The following MBD5 variants were observed in gnomAD, a reference collection of about 807,000 sequenced individuals.
MBD5 encodes the protein methyl-CpG-binding domain protein 5.
In MBD5, 13 loss-of-function variants were observed where a neutral mutation model predicts 117.3. The ratio of observed to expected loss-of-function variants is 0.11; its 90% CI spans 0.07 to 0.18. The LOEUF (loss-of-function observed/expected upper bound fraction) is 0.18. MBD5 is among the 10% of genes least tolerant of loss of function. The pLI, the probability that MBD5 is intolerant of heterozygous loss-of-function variation, is 1.00. For missense variants in MBD5, 1,879 were observed against 2,093.8 expected (o/e 0.90, Z 2.00); for synonymous variants, 727 against 766.4 (o/e 0.95, Z 0.85).
At chr2:148,421,904 A>G (rs1260318204) in intron 4 of MBD5, among the ~76,000 whole-genome samples, 1 of 152,220 alleles carries the variant, frequency 6.6e-6, no homozygotes, top group Non-Finnish European at 1.5e-5. Context: ...TGGGCAGGGC[A>G]TCTCTGAAAG....
At chr2:148,155,354 A>G (rs1697844128) in intron 1 of MBD5, among the ~76,000 whole-genome samples, 1 of 152,180 alleles carries the variant, frequency 6.6e-6, no homozygotes, top group Non-Finnish European at 1.5e-5. Context: ...TGGGAAAATG[A>G]TGAGGTAGCC....
chr2:148,294,514 T>TGTTTTTTTTTTTTTTC (rs796734529), intron 3 of MBD5, among the ~76,000 whole-genome samples: 1 of 138,686 alleles, frequency 7.2e-6, no homozygotes, highest in East Asian at 2.0e-4. Flanking sequence ...TTTTTTTTTT[T>TGTTTTTTTTTTTTTTC]TTTTTTTGAG....
At chr2:148,034,240 T>C (rs1027801951) in intron 1 of MBD5, among the ~76,000 whole-genome samples, 1 of 152,212 alleles carries the variant, frequency 6.6e-6, no homozygotes, top group African/African-American at 2.4e-5. Flanking sequence ...ATTTATCTAA[T>C]AATTCTAAGA....
intron 4 of MBD5, among the ~76,000 whole-genome samples, chr2:148,430,104 T>C (rs1236843522): frequency 1.3e-5 from 2 of 152,190 alleles, no homozygotes; most frequent in Non-Finnish European, 2.9e-5. Flanking sequence ...GCATACATTC[T>C]GTGTGAATTC....
intron 1 of MBD5, among the ~76,000 whole-genome samples, chr2:148,140,474 A>G (rs1243520798): frequency 1.3e-5 from 2 of 152,202 alleles, no homozygotes; most frequent in Admixed American, 1.3e-4. Flanking sequence ...GTAGTTAACT[A>G]GTCACAATTC....
intron 1 of MBD5, among the ~76,000 whole-genome samples, chr2:148,040,720 A>C (rs1694331907): frequency 1.3e-5 from 2 of 152,174 alleles, no homozygotes; most frequent in Admixed American, 6.6e-5. Context: ...CTTAACAGTT[A>C]AACATATTAT....
At chr2:148,364,754 C>T (rs1703646391) in intron 4 of MBD5, among the ~76,000 whole-genome samples, 1 of 152,192 alleles carries the variant, frequency 6.6e-6, no homozygotes. Context: ...AAGGGCTTTA[C>T]ATAATGGTAA....
chr2:148,474,513 T>A lies in MBD5; in HGVS notation c.2518+4052T>A, dbSNP rs530062796. 5.9e-5 allele frequency among the ~76,000 whole-genome samples: 9 copies of A among 152,200 alleles called. 1 individual carries two copies. The highest frequency in any genetic ancestry group is 1.3e-4 in the Non-Finnish European group (9 of 68,026). The stretch of plus-strand genomic sequence containing the variant: ...TTTTTTCACTTTAAAATGACTTTTA[T>A]GTTCTCTTATTTTTTCCTAAAAAAA... On this transcript the variant is annotated intron_variant, in intron 8 of 13. Coordinates refer to ENST00000642680, the MANE Select transcript of MBD5 (RefSeq NM_001378120.1).
chr2:148,335,487 G>A (rs1345090579), intron 3 of MBD5, among the ~76,000 whole-genome samples: 1 of 152,184 alleles, frequency 6.6e-6, no homozygotes, highest in African/African-American at 2.4e-5. Flanking sequence ...AGGAGGCGGA[G>A]GCAGGAGGAT....
At chr2:148,150,742 T>G (rs1333874705) in intron 1 of MBD5, among the ~76,000 whole-genome samples, 1 of 152,092 alleles carries the variant, frequency 6.6e-6, no homozygotes, top group East Asian at 1.9e-4. Flanking sequence ...GCTCTCTGTT[T>G]GTCTGTTGTT....
At chr2:148,406,709 A>G (rs1403920120) in intron 4 of MBD5, among the ~76,000 whole-genome samples, 1 of 152,176 alleles carries the variant, frequency 6.6e-6, no homozygotes, top group African/African-American at 2.4e-5. Context: ...ACACTTCATT[A>G]CAGTGAATTC....
At chr2:148,412,083 A>G (rs1705270353) in intron 4 of MBD5, among the ~76,000 whole-genome samples, 1 of 152,088 alleles carries the variant, frequency 6.6e-6, no homozygotes, top group Non-Finnish European at 1.5e-5. Context: ...CTAGCCAGTT[A>G]TCCCATCAAC....
At chr2:148,186,517 A>G (rs1191228484) in intron 2 of MBD5, among the ~76,000 whole-genome samples, 1 of 152,240 alleles carries the variant, frequency 6.6e-6, no homozygotes, top group Non-Finnish European at 1.5e-5. Context: ...AATGCTTTGA[A>G]TATTACCCAA....
intron 3 of MBD5, among the ~76,000 whole-genome samples, chr2:148,251,501 T>G (rs1027104459): frequency 6.6e-6 from 1 of 152,214 alleles, no homozygotes; most frequent in African/African-American, 2.4e-5. Flanking sequence ...AATACCCATT[T>G]ATGATATTAA....
chr2:148,210,325 C>T (rs2106004913), intron 2 of MBD5, among the ~76,000 whole-genome samples: 1 of 151,972 alleles, frequency 6.6e-6, no homozygotes, highest in South Asian at 2.1e-4. Flanking sequence ...AAGGATGTAC[C>T]ATTTAGAAAA....
chr2:148,212,857 A>G (rs1431628126), intron 2 of MBD5, among the ~76,000 whole-genome samples: 1 of 152,176 alleles, frequency 6.6e-6, no homozygotes, highest in African/African-American at 2.4e-5. Context: ...CTCATTGACA[A>G]CAATTTTAAT....
chr2:148,130,258 G>C (rs1697005135), intron 1 of MBD5, among the ~76,000 whole-genome samples: 1 of 152,030 alleles, frequency 6.6e-6, no homozygotes, highest in South Asian at 2.1e-4. Context: ...TCTCCTGACA[G>C]CGCTCAATTT....
rs200434229 is a variant in MBD5 at position 148,064,121 on chromosome 2, C to CTTTTTTTT, written c.-925+42443_-925+42444insTTTTTTTT. On this transcript the variant is annotated intron_variant, in intron 1 of 13. Transcript: ENST00000642680. ...GAAACATACTATTCCCACCAGCTGT[C>CTTTTTTTT]TTTTTTCTTTTTTTTTTTTTTTGAG... Among the ~76,000 whole-genome samples the CTTTTTTTT allele has an allele frequency of 2.9e-4, 37 of 126,180 alleles. 5 individuals are homozygous for CTTTTTTTT. The highest frequency in any genetic ancestry group is 8.5e-4 in the African/African-American group (27 of 31,820). 82.8% of individuals were successfully genotyped at this position (126,180 alleles called of 152,430 possible). A position where few individuals can be genotyped will look rare whatever the true frequency, so the allele number is the denominator to read the frequency against.
intron 2 of MBD5, among the ~76,000 whole-genome samples, chr2:148,199,907 GAT>G: frequency 6.6e-6 from 1 of 152,204 alleles, no homozygotes; most frequent in South Asian, 2.1e-4. Context: ...GAAATAAAGT[GAT>G]TTGATTTTTA....
Sources: allele counts gnomAD v4.1 joint callset (sites outside exome capture counted in the v4.1 genomes callset), GRCh38; gene constraint gnomAD v4.1.1; transcripts MANE v1.5; gene names NCBI Gene and HGNC (gene_info 2026-07-23, HGNC 2026-07-21).